Variants in LETMD1 observed in about 807,000 individuals in gnomAD.
LETMD1 encodes the protein LETM1 domain containing 1.
Under a neutral mutation model 43.9 loss-of-function variants are expected in LETMD1, and 30 were observed. That is an observed-to-expected ratio of 0.68 (90% CI 0.51 to 0.93). LETMD1 has a LOEUF of 0.93. LETMD1 is among the 40% of genes least tolerant of loss of function. The probability of loss-of-function intolerance (pLI) is 0.00; values close to 1 mark genes in which losing one functional copy is unlikely to be tolerated. For missense variants in LETMD1, 413 were observed against 447.7 expected, an observed-to-expected ratio of 0.92 and a Z score of 0.70; for synonymous variants, 176 against 163.1, an observed-to-expected ratio of 1.08 and a Z score of -0.60.
At chr12:51,051,317 T>A (rs1946063845) in intron 2 of LETMD1, among the ~76,000 whole-genome samples, 1 of 151,814 alleles carries the variant, frequency 6.6e-6, no homozygotes, top group South Asian at 2.1e-4. Context: ...GGCAGGAGAA[T>A]TGCTTGAACT....
chr12:51,064,502 C>T, downstream of LETMD1: 1 of 1,611,812 alleles, frequency 6.2e-7, no homozygotes. Flanking sequence ...GGGAGGGCTC[C>T]TCATCTGGGG....
At chr12:51,055,679 A>AAG (rs1344449261) in intron 4 of LETMD1, 156 bp from the exon 5 acceptor site, 1 of 428,114 alleles carries the variant, frequency 2.3e-6, no homozygotes, top group Non-Finnish European at 4.2e-6. Context: ...AAAAAAAAAA[A>AAG]AAAAAAAAAA....
At chr12:51,058,677 C>G (rs1040175630) in intron 8 of LETMD1, 8 of 159,156 alleles carry the variant, frequency 5.0e-5, no homozygotes, top group African/African-American at 1.9e-4. Context: ...TGGCCTCGGC[C>G]TCCCAAAGTT....
chr12:51,064,648 A>T, downstream of LETMD1: 1 of 1,529,406 alleles, frequency 6.5e-7, no homozygotes, highest in Non-Finnish European at 8.8e-7. Flanking sequence ...GAGCAGCCAC[A>T]TGGAAAGGAC....
intron 3 of LETMD1, among the ~76,000 whole-genome samples, chr12:51,052,717 G>T (rs907117801): frequency 9.9e-5 from 15 of 151,956 alleles, no homozygotes; most frequent in African/African-American, 3.6e-4. Context: ...GGAGGCAGAG[G>T]TTGCAGTGAG....
At chr12:51,065,376 G>A (rs1003782464), downstream of LETMD1, among the ~76,000 whole-genome samples, 2 of 151,914 alleles carry the variant, frequency 1.3e-5, no homozygotes, top group Non-Finnish European at 2.9e-5. Context: ...ATTCCAACAG[G>A]AAAAACACAT....
the LETMD1 span, among the ~76,000 whole-genome samples, chr12:51,067,295 A>T: frequency 6.6e-6 from 1 of 152,162 alleles, no homozygotes; most frequent in African/African-American, 2.4e-5. This position sits in a 1 kb window ranked among gnomAD's most constrained non-coding sequence, Gnocchi z 4.1. Context: ...ATGAAACAAA[A>T]AAAGATGAGA....
chr12:51,050,978 A>G lies in LETMD1; in HGVS notation c.275-1114A>G, dbSNP rs182548261. 3.9e-3 allele frequency among the ~76,000 whole-genome samples: 590 copies of G among 151,566 alleles called. 2 individuals carry two copies. The highest frequency in any genetic ancestry group is 7.4e-3 in the Non-Finnish European group (502 of 67,880). ...TGGTGAGCCAAGATCGCACCATTGC[A>G]CTCCAGCCTGGGCAACAACAGTGAA... On this transcript the variant is annotated intron_variant, in intron 2 of 8. Transcript: ENST00000262055.
At chr12:51,056,774 C>A (rs949528850) in intron 7 of LETMD1, 1 of 282,078 alleles carries the variant, frequency 3.5e-6, no homozygotes, top group African/African-American at 2.3e-5. Context: ...CTACCTCAGC[C>A]TCCCAAGTAG....
At chr12:51,065,110 G>A (rs1003566444), downstream of LETMD1, among the ~76,000 whole-genome samples, 5 of 152,210 alleles carry the variant, frequency 3.3e-5, no homozygotes, top group Admixed American at 6.5e-5. Context: ...CCTATGGCCT[G>A]CAATGACAGG....
At chr12:51,055,085 G>A (rs781364150) in intron 4 of LETMD1, among the ~76,000 whole-genome samples, 7 of 152,006 alleles carry the variant, frequency 4.6e-5, no homozygotes, top group Non-Finnish European at 8.8e-5. Context: ...GGGTGACAGA[G>A]CGAGACTCTG....
intron 3 of LETMD1, chr12:51,052,503 C>T (rs553342842): frequency 1.3e-5 from 4 of 312,396 alleles, no homozygotes; most frequent in Middle Eastern, 9.3e-4. Context: ...TGCAAGGGGG[C>T]TGGGCGCGGT....
At chr12:51,049,647 G>A (rs1240983416) in intron 2 of LETMD1, among the ~76,000 whole-genome samples, 3 of 152,184 alleles carry the variant, frequency 2.0e-5, no homozygotes, top group Admixed American at 2.0e-4. Context: ...TTTCAAATCA[G>A]AGATCCTTAG....
At chr12:51,063,033 A>AGGAT (rs1403928935), downstream of LETMD1, 2 of 152,342 alleles carry the variant, frequency 1.3e-5, no homozygotes. Context: ...CGAAGGAAAA[A>AGGAT]GGATGGAGAG....
chr12:51,055,882 A>T lies in LETMD1; in HGVS notation c.521A>T (p.Lys174Ile), dbSNP rs1395110514. 3.1e-6 allele frequency: 5 copies of T among 1,613,762 alleles called. No homozygotes were observed. The Admixed American group carries it at 5.0e-5, about 16-fold the overall frequency. Residue 174 changes from lysine (K) to isoleucine (I), a missense_variant, in exon 5 of 9, where the codon AAA becomes ATA. Transcript: ENST00000262055. ...QLLIRHFWTPKQQTDFLDIYH... is the reference protein window; with the variant it reads ...QLLIRHFWTPIQQTDFLDIYH... ...CTGATCAGGCATTTCTGGACCCCAA[A>T]ACAACAAACTGATTTCTTAGATATC...
chr12:51,055,054 C>G (rs188940797), intron 4 of LETMD1, among the ~76,000 whole-genome samples: 2 of 151,892 alleles, frequency 1.3e-5, no homozygotes, highest in Non-Finnish European at 2.9e-5. Context: ...GAGCCGAGAT[C>G]GCGCCACTGC....
chr12:51,060,874 T>A (rs370714248), downstream of LETMD1, among the ~76,000 whole-genome samples: 4 of 142,564 alleles, frequency 2.8e-5, no homozygotes, highest in Non-Finnish European at 6.0e-5. Flanking sequence ...TGCACTCCAG[T>A]CTGGGCGACA....
rs184064162 is a variant in LETMD1, at chr12:51,057,657, G to A, written c.916-375G>A. 833 of 205,400 alleles carry A rather than the reference G, an allele frequency of 4.1e-3. 30 individuals carry two copies. In the Admixed American group the frequency reaches 0.042, roughly 10 times the overall value. The allele number at this position is 205,400 out of a possible 1,614,324, so 12.7% of individuals were successfully genotyped here. On this transcript the variant is annotated intron_variant, in intron 7 of 8. Coordinates refer to ENST00000262055, the MANE Select transcript of LETMD1 (RefSeq NM_015416.5). ...TTTTTTTTTTTTGAGACAGAGTCTC[G>A]CTCTGTTGCCCAGGCTGGAGTGCAG... is the stretch of plus-strand genomic sequence containing the variant.
chr12:51,053,227 A>G lies in LETMD1; in HGVS notation c.391-551A>G, dbSNP rs1176049572. Among the ~76,000 whole-genome samples, 3 of 152,340 alleles carry G rather than the reference A, an allele frequency of 2.0e-5. No individual in the cohort carries two copies. In the East Asian group the frequency reaches 5.8e-4, roughly 29 times the overall value. On this transcript the variant is annotated intron_variant, in intron 3 of 8. Transcript: ENST00000262055. ...GAATCTAGGACCCATTCCGCAGATCAGGAAGAGTTCACTGAAGGATTTGGT... is the reference window on the plus strand; with the variant it reads ...GAATCTAGGACCCATTCCGCAGATCGGGAAGAGTTCACTGAAGGATTTGGT...
Sources: gnomAD v4.1 joint callset for allele counts (sites outside exome capture counted in the v4.1 genomes callset) on GRCh38, gnomAD v4.1.1 for gene constraint, Gnocchi (gnomAD v3.1) non-coding constraint, MANE v1.5 for transcripts, NCBI Gene and HGNC (gene_info 2026-07-23, HGNC 2026-07-21) for gene names.